Variants in FAM161B observed in about 807,000 individuals in gnomAD.
The protein encoded by FAM161B is protein FAM161B.
FAM161B carries 46 observed loss-of-function variants against 61.5 expected under a neutral mutation model. The ratio of observed to expected loss-of-function variants is 0.75; its 90% confidence interval spans 0.59 to 0.96. FAM161B has a LOEUF of 0.96. Ranked by LOEUF, FAM161B falls within the 40% of genes least tolerant of loss-of-function variation. The pLI is 0.00. For missense variants in FAM161B, 774 were observed against 800.7 expected (o/e 0.97, Z 0.40); for synonymous variants, 284 against 302.7 (o/e 0.94, Z 0.64).
chr14:73,931,884 A>C (rs2055921288), downstream of FAM161B: 3 of 446,350 alleles, frequency 6.7e-6, no homozygotes, highest in African/African-American at 2.0e-5. Context: ...TCCTTTGAAG[A>C]GTTTTCATCC....
At chr14:73,935,086 A>G (rs1289169347) in intron 8 of FAM161B, among the ~76,000 whole-genome samples, 1 of 151,476 alleles carries the variant, frequency 6.6e-6, no homozygotes, top group East Asian at 2.0e-4. Context: ...CAACATTATT[A>G]CTATTTTATA....
downstream of FAM161B, among the ~76,000 whole-genome samples, chr14:73,926,727 G>A (rs1486348780): frequency 9.3e-6 from 1 of 107,392 alleles, no homozygotes; most frequent in Non-Finnish European, 2.2e-5. Context: ...GAGCCACTGC[G>A]CCCGGCCAGG....
At chr14:73,947,912 G>A (rs1000229538) in intron 1 of FAM161B, among the ~76,000 whole-genome samples, 1 of 136,914 alleles carries the variant, frequency 7.3e-6, no homozygotes, top group Non-Finnish European at 1.6e-5. Flanking sequence ...TTAGTTAAGC[G>A]AATGACTGAG....
In FAM161B at chr14:73,934,340, T is replaced by A. The variant is rs954628197; in HGVS notation, c.1860A>T (p.Gly620=). 1.2e-6 allele frequency: 2 copies of A among 1,614,126 alleles called. No individual in the cohort carries two copies. The highest frequency in any genetic ancestry group is 2.7e-5 in the African/African-American group (2 of 75,018). The part of the protein sequence containing the change: ...SIRDPEQGLE[G]SLEQPASPRK... ...TGGGGCTTGCAGGCTGTTCTAGAGA[T>A]CCTTCTAAACCCTGCTCTGGATCTC... The change falls in exon 9 of 9, where the codon GGA becomes GGT. Residue 620 remains glycine, a synonymous_variant. Coordinates refer to ENST00000286544, the MANE Select transcript of FAM161B (RefSeq NM_152445.3).
chr14:73,942,683 T>C lies in FAM161B; in HGVS notation c.958A>G (p.Met320Val). ...AELFRKIRIQ[M>V]RALDMLQMAS... ...ATCTGGAGCATGTCCAGGGCTCTCA[T>C]TTGGATGCGAATTTTCCTGAAGAGC... Residue 320 changes from methionine (M) to valine (V), a missense_variant, in exon 4 of 9, where the codon ATG (methionine) becomes GTG (valine). Coordinates refer to ENST00000286544, the MANE Select transcript of FAM161B (RefSeq NM_152445.3). 6.2e-7 allele frequency: 1 copy of C among 1,613,616 alleles called. No individual in the cohort carries two copies. Among genetic ancestry groups the C allele is most frequent in the Non-Finnish European group, 8.5e-7 (1 of 1,179,690 alleles).
At chr14:73,924,184 C>T in the FAM161B span, among the ~76,000 whole-genome samples, 9 of 152,156 alleles carry the variant, frequency 5.9e-5, no homozygotes, top group African/African-American at 2.2e-4. Flanking sequence ...TTTCGTTTCA[C>T]CTCAGGTCAT....
At position 73,944,868 on chromosome 14, in the gene FAM161B, C is replaced by T. The variant is rs569269642; in HGVS notation, c.392G>A (p.Arg131His). ...PQALRCGSTRRCSSLNNLPSN... is the reference protein window; with the variant it reads ...PQALRCGSTRHCSSLNNLPSN... Reference sequence around the variant, plus strand: ...GGGAAGGTTGTTCAGGGAGCTGCAGCGCCTTGTGGAGCCACACCTGGGAAA... The same window carrying T: ...GGGAAGGTTGTTCAGGGAGCTGCAGTGCCTTGTGGAGCCACACCTGGGAAA... The change falls in exon 3 of 9, where the codon CGC becomes CAC. Residue 131 changes from arginine to histidine, a missense_variant. Transcript: ENST00000286544. 18 of 1,516,918 alleles carry T rather than the reference C, an allele frequency of 1.2e-5. No individual in the cohort carries two copies. The highest frequency in any genetic ancestry group is 6.7e-5 in the Admixed American group (3 of 45,090). 94.0% of individuals were successfully genotyped at this position (1,516,918 alleles called of 1,614,324 possible).
downstream of FAM161B, among the ~76,000 whole-genome samples, chr14:73,930,865 T>C (rs1741961396): frequency 1.3e-5 from 2 of 152,236 alleles, no homozygotes; most frequent in African/African-American, 4.8e-5. Context: ...CCTCCCAAAG[T>C]GCTGGGATTA....
At chr14:73,941,114 T>A in intron 4 of FAM161B, 61 bp from the exon 5 acceptor site, 1 of 1,392,678 alleles carries the variant, frequency 7.2e-7, no homozygotes, top group Non-Finnish European at 9.5e-7. Context: ...CTATCTTTTT[T>A]TTTTTTTTTT....
intron 7 of FAM161B, among the ~76,000 whole-genome samples, chr14:73,936,779 A>G (rs1467544694): frequency 1.3e-5 from 2 of 152,162 alleles, no homozygotes; most frequent in Non-Finnish European, 1.5e-5. Flanking sequence ...GAGGAAGTGG[A>G]GCCAGCAAAT....
chr14:73,934,483 G>C, intron 8 of FAM161B, 89 bp from the exon 9 acceptor site: 1 of 1,308,138 alleles, frequency 7.6e-7, no homozygotes, highest in East Asian at 2.5e-5. Context: ...GCAGTGGCAT[G>C]ATCTCAGCTC....
intron 8 of FAM161B, among the ~76,000 whole-genome samples, chr14:73,935,679 T>G (rs999251120): frequency 6.6e-6 from 1 of 152,230 alleles, no homozygotes; most frequent in Admixed American, 6.5e-5. Flanking sequence ...TAGAAATAGT[T>G]TCAGCTCATG....
At chr14:73,927,380 A>G (rs1392219486), downstream of FAM161B, 1 of 154,534 alleles carries the variant, frequency 6.5e-6, no homozygotes, top group African/African-American at 2.4e-5. Flanking sequence ...CGCCCGGCCT[A>G]ATTGTGATTC....
At chr14:73,931,675 C>A, downstream of FAM161B, 1 of 764,788 alleles carries the variant, frequency 1.3e-6, no homozygotes, top group Non-Finnish European at 2.2e-6. Flanking sequence ...GCCACTCTTC[C>A]TCTTTCCTGG....
Position 73,944,325 on chromosome 14 carries a change from A to G in FAM161B, c.925+10T>C. 6.4e-7 allele frequency: 1 copy of G among 1,559,874 alleles called. No individual in the cohort carries two copies. The highest frequency in any genetic ancestry group is 8.7e-7 in the Non-Finnish European group (1 of 1,149,286). Reference sequence around the variant, plus strand: ...GGCAGGAGGCAGCAAGGTGGCAAGGATGTCTTTACCCTGGAGTTTATCCCC... The same window carrying G: ...GGCAGGAGGCAGCAAGGTGGCAAGGGTGTCTTTACCCTGGAGTTTATCCCC... On this transcript the variant is annotated intron_variant, in intron 3 of 8. Transcript: ENST00000286544.
At chr14:73,941,167 G>T in intron 4 of FAM161B, 114 bp from the exon 5 acceptor site, 2 of 1,307,050 alleles carry the variant, frequency 1.5e-6, no homozygotes, top group South Asian at 2.7e-5. Context: ...GCCCAGGCTG[G>T]AGTGCAGTGG....
At chr14:73,925,639 G>C in the FAM161B span, among the ~76,000 whole-genome samples, 23,454 of 151,924 alleles carry the variant, frequency 0.15, 2,388 homozygotes, top group East Asian at 0.49. Context: ...TGTTGGCCAG[G>C]CTAGTCTGGA....
At chr14:73,930,799 C>T (rs1472372795), downstream of FAM161B, among the ~76,000 whole-genome samples, 1 of 152,126 alleles carries the variant, frequency 6.6e-6, no homozygotes, top group Non-Finnish European at 1.5e-5. Flanking sequence ...CAGGGCCTCA[C>T]TGTGTTGCCC....
intron 5 of FAM161B, among the ~76,000 whole-genome samples, chr14:73,939,762 G>C (rs2056001884): frequency 6.6e-6 from 1 of 152,208 alleles, no homozygotes; most frequent in African/African-American, 2.4e-5. Flanking sequence ...GTAATATGTT[G>C]AGTTCTTCCA....
Sources: gnomAD v4.1 joint callset for allele counts (sites outside exome capture counted in the v4.1 genomes callset) on GRCh38, gnomAD v4.1.1 for gene constraint, MANE v1.5 for transcripts, NCBI Gene and HGNC (gene_info 2026-07-23, HGNC 2026-07-21) for gene names.